MATN4: variants seen among roughly 807,000 people sequenced by gnomAD.
MATN4 encodes the protein matrilin-4.
MATN4 carries 40 observed loss-of-function variants against 54.6 expected under a neutral mutation model. The ratio of observed to expected loss-of-function variants is 0.73; its 90% CI spans 0.57 to 0.95. The LOEUF (loss-of-function observed/expected upper bound fraction) is 0.95, where lower values mean the gene tolerates loss of function less well. MATN4 is among the 40% of genes least tolerant of loss of function. MATN4 has a pLI of 0.00. For synonymous variants in MATN4, 351 were observed against 345.3 expected, an observed-to-expected ratio of 1.02 and a Z score of -0.18; for missense variants, 810 against 819.1, an observed-to-expected ratio of 0.99 and a Z score of 0.13.
At chr20:45,308,515 CG>C (rs1214592904), upstream of MATN4, 4 of 501,254 alleles carry the variant, frequency 8.0e-6, no homozygotes, top group African/African-American at 1.9e-5. Context: ...CTGGGGAGAC[CG>C]GGGCAGCCAC....
intron 4 of MATN4, 31 bp downstream of exon 4, chr20:45,301,290 G>T: frequency 6.2e-7 from 1 of 1,614,014 alleles, no homozygotes; most frequent in African/African-American, 1.3e-5. Flanking sequence ...CACAGTCCAG[G>T]GTGTGGTGGG....
Position 45,308,175 on chromosome 20 carries a change from C to G in MATN4, c.-35G>C. On this transcript the variant is annotated splice_region_variant and 5_prime_UTR_variant, in exon 1 of 10. Transcript: ENST00000372756. ...AGTGCCTCCCAATCCTTTGACTCAC[C>G]TGAGCCTGCAGGACAGATCAGAGAT... 6.2e-7 allele frequency: 1 copy of G among 1,614,016 alleles called. No homozygotes were observed. The highest frequency in any genetic ancestry group is 8.5e-7 in the Non-Finnish European group (1 of 1,179,878).
rs1031630289 is a variant in MATN4, at chr20:45,306,187, G to C, written c.-34-571C>G. Among the ~76,000 whole-genome samples, 10 of 152,268 alleles carry C rather than the reference G, an allele frequency of 6.6e-5. No individual in the cohort carries two copies. In the Middle Eastern group the frequency reaches 0.01, roughly 155 times the overall value. On this transcript the variant is annotated intron_variant, in intron 1 of 9. Coordinates refer to ENST00000372756, the MANE Select transcript of MATN4 (RefSeq NM_001393530.1). ...AGAAAAAAACAGGTCTTCCTTAAAT[G>C]TCAGGCACAGTGTTAAATGCTCTTC...
Position 45,304,501 on chromosome 20 carries a change from C to CCA in MATN4, c.368_369dup (p.Ala124TrpfsTer23). ...CGCGCGCCCTCGGCCACACTGAAGG[C>CCA]CACGTTCATGGCGTACTGGATTGCC... On this transcript the variant is annotated frameshift_variant, in exon 3 of 10. Coordinates refer to ENST00000372756, the MANE Select transcript of MATN4 (RefSeq NM_001393530.1). LOFTEE classifies it high-confidence loss of function. 1 of 1,584,584 alleles carries CCA rather than the reference C, an allele frequency of 6.3e-7. No homozygotes were observed. Among genetic ancestry groups the CCA allele is most frequent in the Non-Finnish European group, 8.6e-7 (1 of 1,157,816 alleles).
rs572152711 is a variant in MATN4, at chr20:45,298,697, G to T, written c.1013-114C>A. On this transcript the variant is annotated intron_variant, in intron 6 of 9. Transcript: ENST00000372756. This position sits in a 1 kb window ranked among gnomAD's most constrained non-coding sequence, Gnocchi z 4.6. ...TATTATATAACAGACAACATTTCCTGAGTCCTTCCTGTGCCAGGCAGTGTG... is the reference window on the plus strand; with the variant it reads ...TATTATATAACAGACAACATTTCCTTAGTCCTTCCTGTGCCAGGCAGTGTG... 1.3e-6 allele frequency: 1 copy of T among 798,384 alleles called. No individual in the cohort carries two copies. The highest frequency in any genetic ancestry group is 1.7e-5 in the African/African-American group (1 of 57,330). 49.5% of individuals were successfully genotyped at this position (798,384 alleles called of 1,614,324 possible).
rs148450021 is a variant in MATN4 at position 45,298,066 on chromosome 20, G to T, written c.1431C>A (p.Ile477=). 4 of 1,612,646 alleles carry T rather than the reference G, an allele frequency of 2.5e-6. No homozygotes were observed. The highest frequency in any genetic ancestry group is 1.1e-5 in the South Asian group (1 of 91,026). ...TGCCCACGCCCACGGCGTACATGAC[G>T]ATGCCTGCAAGGCCGGGGTCTCAGA... is the stretch of plus-strand genomic sequence containing the variant. ...VWAARAKEEG[I]VMYAVGVGKA... The change falls in exon 8 of 10, where the codon ATC becomes ATA. Residue 477 remains isoleucine, a synonymous_variant. Transcript: ENST00000372756. The surrounding 1 kb of genome is among the most constrained non-coding windows in gnomAD (Gnocchi z 4.6).
rs1433310394 is a variant in MATN4, at chr20:45,305,593, G to A, written c.-11C>T. On this transcript the variant is annotated 5_prime_UTR_variant, in exon 2 of 10. Transcript: ENST00000372756. ...AAGAAGGCCTCTCATGGCGCTTGGG[G>A]ACAGAGAATGGAGGTGTCAGAGCCT... The A allele has an allele frequency of 1.3e-6, 2 of 1,551,954 alleles. No homozygotes were observed. The highest frequency in any genetic ancestry group is 1.7e-6 in the Non-Finnish European group (2 of 1,145,878).
intron 1 of MATN4, chr20:45,306,764 C>G: frequency 3.8e-6 from 2 of 523,656 alleles, no homozygotes; most frequent in Non-Finnish European, 6.0e-6. Flanking sequence ...CCACCCCGAG[C>G]AAACAGGGGG....
intron 8 of MATN4, among the ~76,000 whole-genome samples, chr20:45,296,803 G>A (rs1185242882): frequency 1.3e-5 from 2 of 151,986 alleles, no homozygotes; most frequent in African/African-American, 2.4e-5. Context: ...ATACATGCAC[G>A]TGCATGTGCA....
intron 6 of MATN4, among the ~76,000 whole-genome samples, chr20:45,300,511 T>C (rs1986154244): frequency 6.6e-6 from 1 of 152,020 alleles, no homozygotes. Context: ...TGTCTTCCAC[T>C]CTTTTTTTTT....
intron 1 of MATN4, among the ~76,000 whole-genome samples, chr20:45,307,477 T>C (rs1986827442): frequency 6.6e-6 from 1 of 152,090 alleles, no homozygotes; most frequent in African/African-American, 2.4e-5. Flanking sequence ...GGGGAACCCT[T>C]GTCAAGCTTG....
intron 1 of MATN4, chr20:45,306,909 C>A: frequency 1.6e-6 from 2 of 1,256,122 alleles, no homozygotes; most frequent in East Asian, 3.1e-5. Context: ...CGGCTGGGGC[C>A]CCGTGGAGCC....
chr20:45,298,933 CAAT>C lies in MATN4; in HGVS notation c.1013-353_1013-351del, dbSNP rs896949474. Among the ~76,000 whole-genome samples the C allele has an allele frequency of 6.6e-6, 1 of 152,144 alleles. No individual in the cohort carries two copies. The highest frequency in any genetic ancestry group is 1.5e-5 in the Non-Finnish European group (1 of 68,030). On this transcript the variant is annotated intron_variant, in intron 6 of 9. Transcript: ENST00000372756. The surrounding 1 kb of genome is among the most constrained non-coding windows in gnomAD (Gnocchi z 4.6). Reference sequence around the variant, plus strand: ...CTTCTAAGCACTCTACCAGTATTAACAATAATAATAACAAAAACATTATTTACC... The same window carrying C: ...CTTCTAAGCACTCTACCAGTATTAACAATAATAACAAAAACATTATTTACC...
intron 3 of MATN4, 33 bp from the exon 4 acceptor site, chr20:45,301,476 G>A: frequency 6.2e-7 from 1 of 1,604,596 alleles, no homozygotes; most frequent in Non-Finnish European, 8.5e-7. Context: ...CTATGCCCAG[G>A]ACTGCCCTTC....
intron 1 of MATN4, chr20:45,307,072 A>C: frequency 1.9e-6 from 1 of 536,520 alleles, no homozygotes; most frequent in Non-Finnish European, 2.9e-6. Flanking sequence ...CGAACTGCAA[A>C]AGCAGGATTA....
At position 45,304,803 on chromosome 20, in the gene MATN4, G is replaced by T. The variant is rs767767685; in HGVS notation, c.74-6C>A. On this transcript the variant is annotated splice_region_variant and splice_polypyrimidine_tract_variant and intron_variant, in intron 2 of 9. Coordinates refer to ENST00000372756, the MANE Select transcript of MATN4 (RefSeq NM_001393530.1). ...CCCAGTGTGACACCTGGGACCTGCG[G>T]GGAGATCAGGGAGGACTCTCCTAGG... is the stretch of plus-strand genomic sequence containing the variant. 1 of 1,549,226 alleles carries T rather than the reference G, an allele frequency of 6.5e-7. No homozygotes were observed. Among genetic ancestry groups the T allele is most frequent in the East Asian group, 2.3e-5 (1 of 43,872 alleles).
At position 45,304,552 on chromosome 20, in the gene MATN4, G is replaced by A. The variant is rs1200970882; in HGVS notation, c.319C>T (p.Leu107=). The A allele has an allele frequency of 1.3e-5, 21 of 1,597,362 alleles. No homozygotes were observed. Among genetic ancestry groups the A allele is most frequent in the Non-Finnish European group, 1.6e-5 (19 of 1,166,992 alleles). Reference sequence around the variant, plus strand: ...AGTCCCGTCATGGTGCCTTGCGCCAGAGGCACCAGGTCGCGGATGGCGCGC... The same window carrying A: ...AGTCCCGTCATGGTGCCTTGCGCCAAAGGCACCAGGTCGCGGATGGCGCGC... ...MERAIRDLVP[L]AQGTMTGLAI... The change falls in exon 3 of 10, where the codon CTG becomes TTG. Residue 107 remains leucine, a synonymous_variant. Transcript: ENST00000372756.
In MATN4 at chr20:45,298,365, C is replaced by T. The variant is rs770816344; in HGVS notation, c.1231G>A (p.Ala411Thr). 61 of 1,612,464 alleles carry T rather than the reference C, an allele frequency of 3.8e-5. No individual in the cohort carries two copies. In the South Asian group the frequency reaches 6.7e-4, roughly 18 times the overall value. The change falls in exon 7 of 10, where the codon GCG becomes ACG. Residue 411 changes from alanine to threonine, a missense_variant. Physicochemically the swap from Ala to Thr is moderately conservative, Grantham distance 58. Coordinates refer to ENST00000372756, the MANE Select transcript of MATN4 (RefSeq NM_001393530.1). The surrounding 1 kb of genome is among the most constrained non-coding windows in gnomAD (Gnocchi z 4.6). ...TCCATGTACTCCACGGCCAGGACCGCCTGCTTCACCTCGGCTGCGGTGCCG... is the reference window on the plus strand; with the variant it reads ...TCCATGTACTCCACGGCCAGGACCGTCTGCTTCACCTCGGCTGCGGTGCCG... Reference protein sequence around the residue: ...RYGTAAEVKQAVLAVEYMERG... With the variant: ...RYGTAAEVKQTVLAVEYMERG...
intron 3 of MATN4, 104 bp from the exon 4 acceptor site, chr20:45,301,547 A>C (rs1986234401): frequency 2.4e-6 from 3 of 1,253,710 alleles, no homozygotes; most frequent in Non-Finnish European, 3.3e-6. Context: ...CTGGGCCCCA[A>C]CCCCAAAAAT....
Sources: allele counts gnomAD v4.1 joint callset (sites outside exome capture counted in the v4.1 genomes callset), GRCh38; gene constraint gnomAD v4.1.1; non-coding constraint Gnocchi (gnomAD v3.1); transcripts MANE v1.5; gene names NCBI Gene and HGNC (gene_info 2026-07-23, HGNC 2026-07-21).